Variants in SLC35A3 observed in about 807,000 individuals in gnomAD.
The protein encoded by SLC35A3 is solute carrier family 35 member A3, also known as UDP-N-acetylglucosamine transporter.
In SLC35A3, 26 loss-of-function variants were observed where a neutral mutation model predicts 39.0. The ratio of observed to expected loss-of-function variants is 0.67; its 90% confidence interval spans 0.49 to 0.92. The LOEUF is 0.92. Ranked by LOEUF, SLC35A3 falls within the 40% of genes least tolerant of loss-of-function variation. The probability of loss-of-function intolerance (pLI) is 0.00; values close to 1 mark genes in which losing one functional copy is unlikely to be tolerated. For synonymous variants in SLC35A3, 135 were observed against 133.1 expected (o/e 1.01, Z -0.10); for missense variants, 299 against 371.6 (o/e 0.80, Z 1.61).
intron 1 of SLC35A3, among the ~76,000 whole-genome samples, chr1:99,990,666 C>T (rs1170249848): frequency 6.6e-6 from 1 of 152,126 alleles, no homozygotes; most frequent in Non-Finnish European, 1.5e-5. Context: ...GTACCTTTGT[C>T]AAATATTGTT....
At position 100,015,157 on chromosome 1, in the gene SLC35A3, CA is replaced by C. The variant is rs760381564; in HGVS notation, c.635-125del. 0.18 allele frequency: 80,633 copies of C among 452,412 alleles called. 230 individuals are homozygous for C. The highest frequency in any genetic ancestry group is 0.19 in the South Asian group (4,212 of 21,882). The allele number at this position is 452,412 out of a possible 1,614,324, so 28.0% of individuals were successfully genotyped here. On this transcript the variant is annotated intron_variant, in intron 5 of 7. Transcript: ENST00000533028. ...TGGGCAACAGAGCAAGACTCCGTCT[CA>C]AAAAAAAAAAAAAAAAAAAGAAAGT...
At chr1:99,994,997 C>T (rs1349616668) in intron 2 of SLC35A3, among the ~76,000 whole-genome samples, 1 of 151,992 alleles carries the variant, frequency 6.6e-6, no homozygotes, top group Non-Finnish European at 1.5e-5. Context: ...TTTCAAATAG[C>T]CATTCTAATA....
Position 100,015,409 on chromosome 1 carries a change from GT to G in SLC35A3, c.744del (p.Val249PhefsTer9). 1 of 1,605,214 alleles carries G rather than the reference GT, an allele frequency of 6.2e-7. No individual in the cohort carries two copies. The highest frequency in any genetic ancestry group is 8.5e-7 in the Non-Finnish European group (1 of 1,177,444). ...QGYNRLTWIV[V>X]VLQALGGLVI... ...ATATAACCGACTGACCTGGATAGTAGTTGTTCTTCAGGTAAAGCATTTAAAG... is the reference window on the plus strand; with the variant it reads ...ATATAACCGACTGACCTGGATAGTAGTGTTCTTCAGGTAAAGCATTTAAAG... On this transcript the variant is annotated frameshift_variant, in exon 6 of 8. Coordinates refer to ENST00000533028, the MANE Select transcript of SLC35A3 (RefSeq NM_012243.3). LOFTEE classifies it high-confidence loss of function.
Position 100,031,817 on chromosome 1 carries a change from C to T in SLC35A3, c.*9341C>T, listed in dbSNP as rs1661263366. On this transcript the variant is annotated 3_prime_UTR_variant, in exon 8 of 8. Coordinates refer to ENST00000533028, the MANE Select transcript of SLC35A3 (RefSeq NM_012243.3). The stretch of plus-strand genomic sequence containing the variant: ...TTTGTATTTGATTGTCTCCTTTGGT[C>T]TTGAAGTCCCCTTCCTGCACCACCA... 1 of 152,122 alleles carries T rather than the reference C, an allele frequency of 6.6e-6. No individual in the cohort carries two copies. Among genetic ancestry groups the T allele is most frequent in the South Asian group, 2.1e-4 (1 of 4,824 alleles). 9.4% of individuals were successfully genotyped at this position (152,122 alleles called of 1,614,324 possible). A position where few individuals can be genotyped will look rare whatever the true frequency, so the allele number is the denominator to read the frequency against.
At position 100,026,521 on chromosome 1, in the gene SLC35A3, T is replaced by A. The variant is rs980812688; in HGVS notation, c.*4045T>A. 12 of 152,186 alleles carry A rather than the reference T, an allele frequency of 7.9e-5. No homozygotes were observed. Among genetic ancestry groups the A allele is most frequent in the African/African-American group, 2.9e-4 (12 of 41,454 alleles). The allele number at this position is 152,186 out of a possible 1,614,324, so 9.4% of individuals were successfully genotyped here. A position where few individuals can be genotyped will look rare whatever the true frequency, so the allele number is the denominator to read the frequency against. On this transcript the variant is annotated 3_prime_UTR_variant, in exon 8 of 8. Transcript: ENST00000533028. ...TAGGATTTTTAAGAATAAATACATT[T>A]CTATTTTTTTGGTTGTTTCAACATT...
intron 1 of SLC35A3, among the ~76,000 whole-genome samples, chr1:99,979,513 A>C (rs60447760): frequency 0.032 from 4,792 of 149,744 alleles, 272 homozygotes; most frequent in African/African-American, 0.11. Flanking sequence ...GGCTCACTGC[A>C]AGCTCCACCT....
chr1:99,975,619 G>A (rs925635512), intron 1 of SLC35A3, among the ~76,000 whole-genome samples: 3 of 152,154 alleles, frequency 2.0e-5, no homozygotes, highest in Non-Finnish European at 2.9e-5. Context: ...TTAAAAAGAC[G>A]AATATTTGTT....
At chr1:99,989,872 C>T (rs1299259250) in intron 1 of SLC35A3, among the ~76,000 whole-genome samples, 1 of 151,778 alleles carries the variant, frequency 6.6e-6, no homozygotes, top group Non-Finnish European at 1.5e-5. Context: ...CTCAATTGAT[C>T]CTCCTGCCTC....
chr1:100,015,319 T>G lies in SLC35A3; in HGVS notation c.652T>G (p.Phe218Val). The change falls in exon 6 of 8, where the codon TTT becomes GTT. Residue 218 changes from phenylalanine to valine, a missense_variant. Coordinates refer to ENST00000533028, the MANE Select transcript of SLC35A3 (RefSeq NM_012243.3). The stretch of plus-strand genomic sequence containing the variant: ...TTTTTTAGGTTTCTTTGGAAGTATA[T>G]TTGGATTAATGGGTGTATACATTTA... ...NIQLGFFGSI[F>V]GLMGVYIYDG... The G allele has an allele frequency of 6.2e-7, 1 of 1,607,092 alleles. No homozygotes were observed. Among genetic ancestry groups the G allele is most frequent in the Non-Finnish European group, 8.5e-7 (1 of 1,177,408 alleles).
At chr1:99,993,395 GT>G (rs903664473) in intron 1 of SLC35A3, 141 bp from the exon 2 acceptor site, 18 of 602,314 alleles carry the variant, frequency 3.0e-5, no homozygotes, top group East Asian at 6.0e-5. Context: ...CTTGGTTTCT[GT>G]TTTTTTTTCT....
At chr1:99,972,882 AC>A (rs1410145362) in intron 1 of SLC35A3, among the ~76,000 whole-genome samples, 1 of 152,190 alleles carries the variant, frequency 6.6e-6, no homozygotes, top group African/African-American at 2.4e-5. Flanking sequence ...AGTTATTATC[AC>A]CGCTATTTTA....
At chr1:99,977,472 G>A (rs1657179466) in intron 1 of SLC35A3, among the ~76,000 whole-genome samples, 1 of 151,458 alleles carries the variant, frequency 6.6e-6, no homozygotes, top group Non-Finnish European at 1.5e-5. Flanking sequence ...AACTCGGGAG[G>A]TAGAGGTTGC....
intron 6 of SLC35A3, among the ~76,000 whole-genome samples, chr1:100,016,771 G>A (rs1476156937): frequency 6.6e-6 from 1 of 152,170 alleles, no homozygotes; most frequent in African/African-American, 2.4e-5. Flanking sequence ...GATAGGGTGA[G>A]TCAAGAGAGT....
At chr1:99,976,066 A>G (rs1384423503) in intron 1 of SLC35A3, among the ~76,000 whole-genome samples, 3 of 151,886 alleles carry the variant, frequency 2.0e-5, no homozygotes, top group Non-Finnish European at 4.4e-5. Context: ...TCTCAAAAAA[A>G]CTCCAAAAAA....
rs1660255071 is a variant in SLC35A3, at chr1:100,017,712, A to G, written c.784A>G (p.Ile262Val). 1 of 1,575,722 alleles carries G rather than the reference A, an allele frequency of 6.3e-7. No individual in the cohort carries two copies. Among genetic ancestry groups the G allele is most frequent in the East Asian group, 2.3e-5 (1 of 43,336 alleles). ...TGGAGGCCTTGTAATAGCTGCTGTT[A>G]TTAAGTATGCAGATAATATTTTAAA... ...ALGGLVIAAV[I>V]KYADNILKGF... Residue 262 changes from isoleucine (I) to valine (V), a missense_variant, in exon 7 of 8, where the codon ATT becomes GTT. Transcript: ENST00000533028.
At chr1:99,978,563 A>G (rs983336734) in intron 1 of SLC35A3, among the ~76,000 whole-genome samples, 1 of 152,162 alleles carries the variant, frequency 6.6e-6, no homozygotes, top group Admixed American at 6.5e-5. Flanking sequence ...AAGAAATAAA[A>G]TAATAAAACA....
At chr1:100,010,510 T>A (rs1231680413) in intron 4 of SLC35A3, among the ~76,000 whole-genome samples, 1 of 152,066 alleles carries the variant, frequency 6.6e-6, no homozygotes, top group Non-Finnish European at 1.5e-5. Flanking sequence ...CTGGGCAACA[T>A]GGCAGAACCC....
At position 99,993,669 on chromosome 1, in the gene SLC35A3, T is replaced by C. The variant is rs1463447525; in HGVS notation, c.115T>C (p.Ser39Pro). ...TLKEEGPRYL[S>P]STAVVVAELL... is the part of the protein sequence containing the mutation. Reference sequence around the variant, plus strand: ...AAAAGAAGAAGGACCTCGTTATCTATCTTCTACAGCAGTGGTTGTTGCTGA... The same window carrying C: ...AAAAGAAGAAGGACCTCGTTATCTACCTTCTACAGCAGTGGTTGTTGCTGA... Residue 39 changes from serine (S) to proline (P), a missense_variant, in exon 2 of 8, where the codon TCT becomes CCT. Physicochemically the swap from Ser to Pro is moderately conservative, Grantham distance 74. Transcript: ENST00000533028. The C allele has an allele frequency of 5.0e-6, 8 of 1,613,984 alleles. No homozygotes were observed. Among genetic ancestry groups the C allele is most frequent in the Non-Finnish European group, 6.8e-6 (8 of 1,179,990 alleles).
intron 5 of SLC35A3, among the ~76,000 whole-genome samples, chr1:100,012,968 A>G (rs1339938473): frequency 6.6e-6 from 1 of 152,186 alleles, no homozygotes; most frequent in African/African-American, 2.4e-5. Flanking sequence ...TTCTTCATCT[A>G]TAAAATAGAC....
Sources: allele counts gnomAD v4.1 joint callset (sites outside exome capture counted in the v4.1 genomes callset), GRCh38; gene constraint gnomAD v4.1.1; transcripts MANE v1.5; gene names NCBI Gene and HGNC (gene_info 2026-07-23, HGNC 2026-07-21).